Variants in SARM1 observed in about 807,000 individuals in gnomAD.
SARM1 encodes the protein sterile alpha and TIR motif containing 1.
A neutral mutation model predicts 65.1 loss-of-function variants in SARM1; 60 were observed. That is an observed-to-expected ratio of 0.92 (90% CI 0.75 to 1.14). SARM1 has a LOEUF of 1.14. SARM1 is among the 50% of genes most tolerant of loss of function. The probability of loss-of-function intolerance (pLI) is 0.00; values close to 1 mark genes in which losing one functional copy is unlikely to be tolerated. For synonymous variants in SARM1, 417 were observed against 465.4 expected, an observed-to-expected ratio of 0.90 and a Z score of 1.34; for missense variants, 913 against 1,015.7, an observed-to-expected ratio of 0.90 and a Z score of 1.37.
At chr17:28,395,642 A>T (rs2068111975) in intron 7 of SARM1, 4 of 389,130 alleles carry the variant, frequency 1.0e-5, no homozygotes, top group Non-Finnish European at 1.9e-5. Context: ...CCAGTGGGGA[A>T]TCATCTCTTT....
intron 5 of SARM1, among the ~76,000 whole-genome samples, chr17:28,386,368 C>A (rs1555586023): frequency 6.6e-6 from 1 of 150,514 alleles, no homozygotes; most frequent in Non-Finnish European, 1.5e-5. Context: ...TGACCCCCCA[C>A]CCCCACCATC....
intron 1 of SARM1, among the ~76,000 whole-genome samples, chr17:28,375,974 TAC>T (rs2067987165): frequency 6.6e-6 from 1 of 152,196 alleles, no homozygotes; most frequent in Non-Finnish European, 1.5e-5. Flanking sequence ...GCAATATATA[TAC>T]AATCTTCCCC....
chr17:28,396,129 T>C (rs2068119753), intron 8 of SARM1, 28 bp from the exon 9 acceptor site: 5 of 1,613,828 alleles, frequency 3.1e-6, no homozygotes, highest in Non-Finnish European at 4.2e-6. Flanking sequence ...CCCAGCTGTC[T>C]GAACCACATT....
Position 28,402,167 on chromosome 17 carries a change from G to T in SARM1, c.*5881G>T. The T allele has an allele frequency of 7.4e-7, 1 of 1,343,418 alleles. No individual in the cohort carries two copies. The highest frequency in any genetic ancestry group is 1.4e-5 in the South Asian group (1 of 69,972). The allele number at this position is 1,343,418 out of a possible 1,614,324, so 83.2% of individuals were successfully genotyped here. On this transcript the variant is annotated 3_prime_UTR_variant, in exon 9 of 9. Transcript: ENST00000585482. ...GAAGGCAAGCTGTTCCCCCAGCCAT[G>T]GCTGCCCATCAGCCCGTTTCGGGCA...
rs2068037774 is a variant in SARM1 at position 28,384,148 on chromosome 17, C to T, written c.1090-209C>T. ...AAGGAGGGATAGGCCCCTCCGCCCC[C>T]AACCCATCCGAGTCAGGACCTGGTC... On this transcript the variant is annotated intron_variant, in intron 2 of 8. Coordinates refer to ENST00000585482, the MANE Select transcript of SARM1 (RefSeq NM_015077.4). This position sits in a 1 kb window ranked among gnomAD's most constrained non-coding sequence, Gnocchi z 4.4. Among the ~76,000 whole-genome samples, 1 of 152,188 alleles carries T rather than the reference C, an allele frequency of 6.6e-6. No homozygotes were observed. Among genetic ancestry groups the T allele is most frequent in the African/African-American group, 2.4e-5 (1 of 41,450 alleles).
chr17:28,381,750 G>T lies in SARM1; in HGVS notation c.1018G>T (p.Glu340Ter). Residue 340 changes from glutamate (E) to a stop codon, truncating the protein, a stop_gained, in exon 2 of 9, where the codon GAG (glutamate) becomes TAG (stop). Coordinates refer to ENST00000585482, the MANE Select transcript of SARM1 (RefSeq NM_015077.4). LOFTEE classifies it high-confidence loss of function. ...LVPLLDSNRLEAQCIGAFYLC... is the reference protein window; with the variant it reads ...LVPLLDSNRL ...GCCGTTGCTCGACTCTAACCGCTTG[G>T]AGGCGCAGTGCATCGGGGCTTTCTA... is the stretch of plus-strand genomic sequence containing the variant. The T allele has an allele frequency of 6.6e-7, 1 of 1,507,638 alleles. No individual in the cohort carries two copies. Among genetic ancestry groups the T allele is most frequent in the East Asian group, 2.5e-5 (1 of 40,400 alleles). The allele number at this position is 1,507,638 out of a possible 1,614,324, so 93.4% of individuals were successfully genotyped here.
At chr17:28,377,010 G>A (rs529526842) in intron 1 of SARM1, among the ~76,000 whole-genome samples, 5 of 152,156 alleles carry the variant, frequency 3.3e-5, no homozygotes, top group East Asian at 1.9e-4. Context: ...GGCTGGTCTC[G>A]AACTCCTGAC....
rs41297913 is a variant in SARM1, at chr17:28,397,948, T to G, written c.*1662T>G. The G allele has an allele frequency of 6.5e-6, 1 of 152,746 alleles. No individual in the cohort carries two copies. Among genetic ancestry groups the G allele is most frequent in the Non-Finnish European group, 1.5e-5 (1 of 68,384 alleles). The allele number at this position is 152,746 out of a possible 1,614,324, so 9.5% of individuals were successfully genotyped here. ...GAAAGTCAAAGGTCTCACTCCAGGT[T>G]TGGGGCTCCTTCCTTCCACTCCCCT... On this transcript the variant is annotated 3_prime_UTR_variant, in exon 9 of 9. Transcript: ENST00000585482.
intron 1 of SARM1, among the ~76,000 whole-genome samples, chr17:28,376,138 C>G (rs1402169539): frequency 6.6e-6 from 1 of 152,034 alleles, no homozygotes; most frequent in Non-Finnish European, 1.5e-5. Context: ...TGTAAAGGTG[C>G]CAGGTGCATA....
At position 28,399,909 on chromosome 17, in the gene SARM1, T is replaced by A; in HGVS notation, c.*3623T>A. On this transcript the variant is annotated 3_prime_UTR_variant, in exon 9 of 9. Transcript: ENST00000585482. Reference sequence around the variant, plus strand: ...CTCTGGAAAATAACTTTTTTTTTTTTAAGAGACAGGGTCTTGCTCTGTTGT... The same window carrying A: ...CTCTGGAAAATAACTTTTTTTTTTTAAAGAGACAGGGTCTTGCTCTGTTGT... The A allele has an allele frequency of 1.2e-5, 7 of 571,630 alleles. No individual in the cohort carries two copies. The highest frequency in any genetic ancestry group is 1.6e-5 in the Non-Finnish European group (5 of 318,808). The allele number at this position is 571,630 out of a possible 1,614,324, so 35.4% of individuals were successfully genotyped here.
At chr17:28,393,695 C>G (rs1262253708) in intron 7 of SARM1, among the ~76,000 whole-genome samples, 2 of 152,210 alleles carry the variant, frequency 1.3e-5, no homozygotes, top group East Asian at 3.8e-4. Context: ...GCAGCCCTAA[C>G]TGCTGTGCTA....
chr17:28,373,763 A>C (rs1417140141), intron 1 of SARM1: 1 of 152,308 alleles, frequency 6.6e-6, no homozygotes, highest in Non-Finnish European at 1.5e-5. Context: ...GAGAGTGAGT[A>C]CAGCCAGCAG....
At chr17:28,386,360 A>AC (rs782291552) in intron 5 of SARM1, among the ~76,000 whole-genome samples, 4 of 151,588 alleles carry the variant, frequency 2.6e-5, no homozygotes, top group African/African-American at 4.9e-5. Flanking sequence ...CATCTGTGTG[A>AC]CCCCCCACCC....
chr17:28,396,249 C>T lies in SARM1; in HGVS notation c.2138C>T (p.Thr713Ile). ...CGGGACTCATCTGCAGGCTCTGACACCAGTTTGGAGGGTGCTGCACCCATG... is the reference window on the plus strand; with the variant it reads ...CGGGACTCATCTGCAGGCTCTGACATCAGTTTGGAGGGTGCTGCACCCATG... ...SSRDSSAGSD[T>I]SLEGAAPMGP... The change falls in exon 9 of 9, where the codon ACC (threonine) becomes ATC (isoleucine). Residue 713 changes from threonine (T) to isoleucine (I), a missense_variant. Physicochemically the swap from Thr to Ile is moderately conservative, Grantham distance 89. Coordinates refer to ENST00000585482, the MANE Select transcript of SARM1 (RefSeq NM_015077.4). 6.2e-7 allele frequency: 1 copy of T among 1,614,022 alleles called. No individual in the cohort carries two copies. The highest frequency in any genetic ancestry group is 8.5e-7 in the Non-Finnish European group (1 of 1,179,872).
At chr17:28,373,849 T>G (rs2067972112) in intron 1 of SARM1, 1 of 152,216 alleles carries the variant, frequency 6.6e-6, no homozygotes. Flanking sequence ...TCTCACCTGG[T>G]TCAGAGTTAC....
Position 28,397,628 on chromosome 17 carries a change from G to A in SARM1, c.*1342G>A, listed in dbSNP as rs1162010704. ...ATTGCTTTCCTGAGAATCATTCTGA[G>A]GCTGGGCTATTGCTTCTCCCTTGCT... On this transcript the variant is annotated 3_prime_UTR_variant, in exon 9 of 9. Coordinates refer to ENST00000585482, the MANE Select transcript of SARM1 (RefSeq NM_015077.4). 2.0e-5 allele frequency: 3 copies of A among 152,236 alleles called. No homozygotes were observed. The highest frequency in any genetic ancestry group is 7.2e-5 in the African/African-American group (3 of 41,446). 9.4% of individuals were successfully genotyped at this position (152,236 alleles called of 1,614,324 possible).
chr17:28,388,081 TG>T, intron 5 of SARM1, 92 bp from the exon 6 acceptor site: 1 of 1,007,416 alleles, frequency 9.9e-7, no homozygotes, highest in Non-Finnish European at 1.5e-6. Flanking sequence ...GAGGGCTTGG[TG>T]GACTGGGGAC....
chr17:28,391,983 C>T (rs1454448087), intron 7 of SARM1, among the ~76,000 whole-genome samples: 5 of 151,516 alleles, frequency 3.3e-5, no homozygotes, highest in Admixed American at 3.3e-4. Flanking sequence ...TGCCTCGGCT[C>T]CCCAAAGTTC....
Position 28,396,198 on chromosome 17 carries a change from T to C in SARM1, c.2087T>C (p.Ile696Thr). The stretch of plus-strand genomic sequence containing the variant: ...CAGGAGGCCACCATTGAGAAGATCA[T>C]CCGCTTCCTGCAGGGCCGCTCCTCC... The part of the protein sequence containing the change: ...EYQEATIEKI[I>T]RFLQGRSSRD... The change falls in exon 9 of 9, where the codon ATC becomes ACC. Residue 696 changes from isoleucine to threonine, a missense_variant. By Grantham distance (89) the Ile-to-Thr change is moderately conservative. Transcript: ENST00000585482. 6.2e-7 allele frequency: 1 copy of C among 1,613,960 alleles called. No homozygotes were observed. The highest frequency in any genetic ancestry group is 2.2e-5 in the East Asian group (1 of 44,878).
Sources: allele counts gnomAD v4.1 joint callset (sites outside exome capture counted in the v4.1 genomes callset), GRCh38; gene constraint gnomAD v4.1.1; non-coding constraint Gnocchi (gnomAD v3.1); transcripts MANE v1.5; gene names NCBI Gene and HGNC (gene_info 2026-07-23, HGNC 2026-07-21).